ATRN: variants seen among roughly 807,000 people sequenced by gnomAD.
ATRN encodes the protein attractin, also known as attractin-2.
ATRN carries 54 observed loss-of-function variants against 178.7 expected under a neutral mutation model. The observed-to-expected ratio is 0.30, with a 90% CI of 0.24 to 0.38. The LOEUF (loss-of-function observed/expected upper bound fraction) is 0.38. Among genes scored for constraint, ATRN ranks in the 10% least tolerant of loss-of-function variants. The probability of loss-of-function intolerance (pLI) is 1.00; values close to 1 mark genes in which losing one functional copy is unlikely to be tolerated. For missense variants in ATRN, 1,443 were observed against 1,815.1 expected, an observed-to-expected ratio of 0.79 and a Z score of 3.73; for synonymous variants, 636 against 663.0, an observed-to-expected ratio of 0.96 and a Z score of 0.63.
chr20:3,528,033 T>C (rs1353002303), intron 1 of ATRN, among the ~76,000 whole-genome samples: 1 of 151,918 alleles, frequency 6.6e-6, no homozygotes, highest in Non-Finnish European at 1.5e-5. Context: ...CAAACCTACA[T>C]GTTCTGCACA....
intron 3 of ATRN, among the ~76,000 whole-genome samples, chr20:3,541,788 T>C (rs921021382): frequency 3.3e-5 from 5 of 152,238 alleles, no homozygotes; most frequent in African/African-American, 1.2e-4. Context: ...TTTTCAGTTT[T>C]TCACCTGCAA....
intron 1 of ATRN, among the ~76,000 whole-genome samples, chr20:3,472,906 TGA>T (rs1026747130): frequency 3.9e-5 from 6 of 152,206 alleles, no homozygotes; most frequent in Admixed American, 3.3e-4. Context: ...AAGAGAGTTG[TGA>T]GAGAGGAGTT....
intron 1 of ATRN, among the ~76,000 whole-genome samples, chr20:3,477,204 A>C (rs2084544034): frequency 9.4e-6 from 1 of 106,540 alleles, no homozygotes; most frequent in African/African-American, 4.4e-5. Flanking sequence ...AGCATAGTTC[A>C]CAAGTCCAGT....
intron 11 of ATRN, among the ~76,000 whole-genome samples, chr20:3,569,797 G>A (rs2086092196): frequency 6.6e-6 from 1 of 152,202 alleles, no homozygotes; most frequent in African/African-American, 2.4e-5. Flanking sequence ...TAAGCCAGGG[G>A]TGGTGGCTCA....
At chr20:3,504,964 A>G (rs2085021049) in intron 1 of ATRN, among the ~76,000 whole-genome samples, 1 of 152,156 alleles carries the variant, frequency 6.6e-6, no homozygotes, top group Non-Finnish European at 1.5e-5. Flanking sequence ...ACTTAAAACT[A>G]TACAAAAAGA....
At chr20:3,628,545 G>A (rs2086962553) in intron 25 of ATRN, among the ~76,000 whole-genome samples, 1 of 152,148 alleles carries the variant, frequency 6.6e-6, no homozygotes, top group South Asian at 2.1e-4. Flanking sequence ...CCTGGGATAG[G>A]AATCATCCCT....
At chr20:3,641,758 G>A (rs1366198888) in intron 27 of ATRN, among the ~76,000 whole-genome samples, 1 of 151,762 alleles carries the variant, frequency 6.6e-6, no homozygotes, top group Non-Finnish European at 1.5e-5. Context: ...CCGAGAACAA[G>A]GATGAAATAA....
At chr20:3,486,450 C>T (rs1220495262) in intron 1 of ATRN, among the ~76,000 whole-genome samples, 1 of 151,930 alleles carries the variant, frequency 6.6e-6, no homozygotes, top group Non-Finnish European at 1.5e-5. Context: ...CTCTTTCACT[C>T]ATGCTGGATT....
intron 3 of ATRN, among the ~76,000 whole-genome samples, chr20:3,541,732 T>G (rs1192284308): frequency 6.6e-6 from 1 of 152,244 alleles, no homozygotes; most frequent in East Asian, 1.9e-4. Flanking sequence ...ATGTGGTGTA[T>G]GACTGTATAT....
intron 24 of ATRN, among the ~76,000 whole-genome samples, chr20:3,606,372 A>ATCCTCT (rs1471522781): frequency 6.6e-6 from 1 of 152,048 alleles, no homozygotes; most frequent in African/African-American, 2.4e-5. Context: ...TTTTTAGGGA[A>ATCCTCT]TCCTCTTCCT....
rs1021599597 is a variant in ATRN at position 3,535,202 on chromosome 20, T to C, written c.411-51T>C. On this transcript the variant is annotated intron_variant, in intron 1 of 28. Transcript: ENST00000262919. ...AAAATATATAAAATATATAAAAATA[T>C]ATGAAATTAATATAGCAGACTTAAG... The C allele has an allele frequency of 4.0e-6, 3 of 745,906 alleles. No homozygotes were observed. The East Asian group carries it at 1.3e-4, about 33-fold the overall frequency. The allele number at this position is 745,906 out of a possible 1,614,324, so 46.2% of individuals were successfully genotyped here.
intron 24 of ATRN, among the ~76,000 whole-genome samples, chr20:3,606,789 G>T (rs191998479): frequency 6.6e-6 from 1 of 152,324 alleles, no homozygotes; most frequent in Admixed American, 6.5e-5. Flanking sequence ...GAGTAAGAAT[G>T]TCTGATAATT....
In ATRN at chr20:3,582,288, A is replaced by G; in HGVS notation, c.2698A>G (p.Ser900Gly). 1 of 1,612,898 alleles carries G rather than the reference A, an allele frequency of 6.2e-7. No individual in the cohort carries two copies. Among genetic ancestry groups the G allele is most frequent in the Non-Finnish European group, 8.5e-7 (1 of 1,180,022 alleles). Residue 900 changes from serine to glycine, a missense_variant, in exon 16 of 29, where the codon AGT becomes GGT. This residue lies in a region of ATRN where 212 missense variants were observed against 330.7 expected (regional missense o/e 0.64). Coordinates refer to ENST00000262919, the MANE Select transcript of ATRN (RefSeq NM_139321.3). ...AGFCGILSEP[S>G]TRGLKAATCI... ...ATTCTGTGGAATTTTATCAGAACCC[A>G]GTACTCGGGGACTGAAGGCTGCAAC...
rs769208082 is a variant in ATRN at position 3,545,746 on chromosome 20, T to C, written c.609-16T>C. 2 of 1,613,342 alleles carry C rather than the reference T, an allele frequency of 1.2e-6. No homozygotes were observed. The highest frequency in any genetic ancestry group is 1.7e-6 in the Non-Finnish European group (2 of 1,179,648). On this transcript the variant is annotated splice_polypyrimidine_tract_variant and intron_variant, in intron 3 of 28. Coordinates refer to ENST00000262919, the MANE Select transcript of ATRN (RefSeq NM_139321.3). The stretch of plus-strand genomic sequence containing the variant: ...TGCTTGTGCTTCCCTCTATAAGAAG[T>C]GTGTTTTCATTTCAGTGGCCTCATT...
At chr20:3,532,514 A>G (rs530771808) in intron 1 of ATRN, among the ~76,000 whole-genome samples, 1 of 152,356 alleles carries the variant, frequency 6.6e-6, no homozygotes, top group East Asian at 1.9e-4. Flanking sequence ...AGCTATAGCA[A>G]AGTCCAGATA....
chr20:3,628,141 C>T (rs2086958737), intron 25 of ATRN, among the ~76,000 whole-genome samples: 1 of 152,138 alleles, frequency 6.6e-6, no homozygotes, highest in Admixed American at 6.5e-5. Flanking sequence ...CACTGCACTC[C>T]AACCTGGGCA....
At chr20:3,552,451 A>G (rs2085803531) in intron 6 of ATRN, among the ~76,000 whole-genome samples, 5 of 150,956 alleles carry the variant, frequency 3.3e-5, no homozygotes, top group Non-Finnish European at 7.4e-5. Context: ...GTTAATGGCC[A>G]CTCCATCCTT....
intron 3 of ATRN, 125 bp downstream of exon 3, chr20:3,540,460 A>G (rs2085602555): frequency 1.6e-6 from 1 of 641,600 alleles, no homozygotes; most frequent in African/African-American, 1.9e-5. Context: ...TGGAAAGAAT[A>G]CTAGTTCTTC....
chr20:3,516,754 G>C (rs1045949900), intron 1 of ATRN, among the ~76,000 whole-genome samples: 4 of 152,060 alleles, frequency 2.6e-5, no homozygotes, highest in Admixed American at 2.6e-4. Flanking sequence ...TTCTGTTCTT[G>C]TGTTAGTTTG....
Sources: allele counts gnomAD v4.1 joint callset (sites outside exome capture counted in the v4.1 genomes callset), GRCh38; gene constraint gnomAD v4.1.1; regional missense constraint gnomAD v4.1.1; transcripts MANE v1.5; gene names NCBI Gene and HGNC (gene_info 2026-07-23, HGNC 2026-07-21).